Variants in SDK1 observed in about 807,000 individuals in gnomAD.
The protein encoded by SDK1 is sidekick cell adhesion molecule 1, also known as protein sidekick-1.
In SDK1, 157 loss-of-function variants were observed where a neutral mutation model predicts 245.5. The observed-to-expected ratio is 0.64, with a 90% CI of 0.56 to 0.73. The LOEUF is 0.73. Ranked by LOEUF, SDK1 falls within the 30% of genes least tolerant of loss-of-function variation. SDK1 has a pLI of 0.00. For synonymous variants in SDK1, 1,647 were observed against 1,278.5 expected, an observed-to-expected ratio of 1.29 and a Z score of -6.15; for missense variants, 3,583 against 3,002.3, an observed-to-expected ratio of 1.19 and a Z score of -4.52.
At chr7:4,126,036 C>T (rs577907913) in intron 25 of SDK1, among the ~76,000 whole-genome samples, 2 of 152,306 alleles carry the variant, frequency 1.3e-5, no homozygotes, top group Admixed American at 1.3e-4. Context: ...CCCAGAACCT[C>T]CGTTGCTTCA....
At chr7:3,793,016 T>G (rs1050952827) in intron 4 of SDK1, among the ~76,000 whole-genome samples, 3 of 152,172 alleles carry the variant, frequency 2.0e-5, no homozygotes, top group Non-Finnish European at 4.4e-5. Flanking sequence ...ACAATGATAC[T>G]GAGAATTGTG....
At chr7:3,812,814 G>C (rs1396850431) in intron 4 of SDK1, among the ~76,000 whole-genome samples, 1 of 152,186 alleles carries the variant, frequency 6.6e-6, no homozygotes, top group Admixed American at 6.5e-5. Flanking sequence ...GTTGTGCTGA[G>C]CTGCAATCCC....
At chr7:4,052,236 G>A (rs977872137) in intron 19 of SDK1, among the ~76,000 whole-genome samples, 3 of 76,550 alleles carry the variant, frequency 3.9e-5, no homozygotes, top group Admixed American at 2.0e-4. Flanking sequence ...TTTTCCCCAC[G>A]CCCTTCTAAG....
chr7:3,668,739 C>T (rs950228761), intron 4 of SDK1, among the ~76,000 whole-genome samples: 5 of 152,180 alleles, frequency 3.3e-5, no homozygotes, highest in African/African-American at 9.7e-5. Context: ...TGCAGTGAGC[C>T]AAGATGGCGC....
chr7:4,077,023 C>A lies in SDK1; in HGVS notation c.3036C>A (p.Tyr1012Ter). The A allele has an allele frequency of 6.2e-7, 1 of 1,614,028 alleles. No individual in the cohort carries two copies. The highest frequency in any genetic ancestry group is 8.5e-7 in the Non-Finnish European group (1 of 1,179,998). ...GCTATCAGATCTCTTGGGAAGTGTA[C>A]GGCAGGAACGACTCTCGTCTCACGC... ...ITGYQISWEV[Y>*]GRNDSRLTHT... The change falls in exon 21 of 45, where the codon TAC (tyrosine) becomes TAA (stop). Residue 1012 changes from tyrosine (Y) to a stop codon, truncating the protein, a stop_gained. Coordinates refer to ENST00000404826, the MANE Select transcript of SDK1 (RefSeq NM_152744.4). LOFTEE classifies it high-confidence loss of function.
intron 4 of SDK1, 88 bp from the exon 5 acceptor site, chr7:3,821,362 C>A: frequency 7.0e-7 from 1 of 1,438,678 alleles, no homozygotes; most frequent in Non-Finnish European, 9.4e-7. Context: ...TCTAGGCATT[C>A]CTTTATAGTT....
chr7:3,397,296 C>T (rs1778739623), intron 1 of SDK1, among the ~76,000 whole-genome samples: 1 of 151,840 alleles, frequency 6.6e-6, no homozygotes, highest in Non-Finnish European at 1.5e-5. Flanking sequence ...TTTATTGGTA[C>T]TTTCAAATTT....
chr7:3,516,120 T>G (rs1235455679), intron 1 of SDK1, among the ~76,000 whole-genome samples: 1 of 148,204 alleles, frequency 6.7e-6, no homozygotes, highest in South Asian at 2.1e-4. Flanking sequence ...GATATTTTCT[T>G]TTTTTTTTTT....
chr7:4,256,572 G>A (rs958303404), intron 44 of SDK1, among the ~76,000 whole-genome samples: 2 of 152,240 alleles, frequency 1.3e-5, no homozygotes, highest in African/African-American at 2.4e-5. Context: ...GGATTTCGAC[G>A]AGGGTTTAAG....
chr7:4,125,422 G>C (rs1420158967), intron 25 of SDK1, among the ~76,000 whole-genome samples: 1 of 151,874 alleles, frequency 6.6e-6, no homozygotes, highest in Non-Finnish European at 1.5e-5. Context: ...ATGATGGATG[G>C]ATGGATGAGT....
intron 1 of SDK1, among the ~76,000 whole-genome samples, chr7:3,602,115 G>C (rs530266668): frequency 1.3e-4 from 19 of 151,998 alleles, no homozygotes; most frequent in African/African-American, 4.6e-4. Flanking sequence ...CTTTGCTGTT[G>C]TGAATAGTGC....
Position 4,268,488 on chromosome 7 carries a change from C to T in SDK1, c.*3104C>T, listed in dbSNP as rs537151801. 24 of 1,175,518 alleles carry T rather than the reference C, an allele frequency of 2.0e-5. No homozygotes were observed. The highest frequency in any genetic ancestry group is 1.8e-4 in the East Asian group (3 of 16,418). 72.8% of individuals were successfully genotyped at this position (1,175,518 alleles called of 1,614,324 possible). On this transcript the variant is annotated 3_prime_UTR_variant, in exon 45 of 45. Transcript: ENST00000404826. ...TTCACTCAATGCTGTAGCCAAAAAA[C>T]GAGGGGCCCCAGGGAGAGGGGACCC... is the stretch of plus-strand genomic sequence containing the variant.
chr7:3,829,674 C>T (rs1310482227), intron 5 of SDK1, among the ~76,000 whole-genome samples: 1 of 152,118 alleles, frequency 6.6e-6, no homozygotes, highest in Non-Finnish European at 1.5e-5. Context: ...AAGGAGAAGG[C>T]AAAACTTGGG....
At chr7:4,085,694 A>G (rs1344827318) in intron 22 of SDK1, among the ~76,000 whole-genome samples, 5 of 152,104 alleles carry the variant, frequency 3.3e-5, no homozygotes, top group Admixed American at 3.3e-4. Context: ...AGCTGGGATT[A>G]CAGGTGCTCG....
At chr7:3,555,488 G>A (rs1779560109) in intron 1 of SDK1, among the ~76,000 whole-genome samples, 1 of 152,142 alleles carries the variant, frequency 6.6e-6, no homozygotes, top group African/African-American at 2.4e-5. Flanking sequence ...AAACATTGGG[G>A]AAACTCTCCA....
At chr7:4,183,137 G>A (rs536491602) in intron 35 of SDK1, among the ~76,000 whole-genome samples, 22 of 152,138 alleles carry the variant, frequency 1.4e-4, no homozygotes, top group East Asian at 3.9e-4. Flanking sequence ...ACCTCTGAGC[G>A]GGGCCACAGG....
intron 1 of SDK1, among the ~76,000 whole-genome samples, chr7:3,364,900 A>G (rs1421699900): frequency 3.3e-5 from 5 of 152,212 alleles, no homozygotes; most frequent in Non-Finnish European, 7.3e-5. Context: ...ATCTATGAAC[A>G]TGGTATGTCT....
At chr7:3,959,369 T>G (rs542033986) in intron 8 of SDK1, among the ~76,000 whole-genome samples, 25 of 152,218 alleles carry the variant, frequency 1.6e-4, no homozygotes, top group Admixed American at 1.6e-3. Context: ...GAAAATTCTT[T>G]CTCATCCATG....
rs558735924 is a variant in SDK1, at chr7:3,428,670, C to G, written c.298+126786C>G. Among the ~76,000 whole-genome samples the G allele has an allele frequency of 3.3e-5, 5 of 152,198 alleles. No homozygotes were observed. In the East Asian group the frequency reaches 9.7e-4, roughly 29 times the overall value. ...AGCTTGGGCTAACCATGTAAGACTG[C>G]CAAGATTTGCATAAAAATCCAATTA... On this transcript the variant is annotated intron_variant, in intron 1 of 44. Coordinates refer to ENST00000404826, the MANE Select transcript of SDK1 (RefSeq NM_152744.4).
Sources: allele counts gnomAD v4.1 joint callset (sites outside exome capture counted in the v4.1 genomes callset), GRCh38; gene constraint gnomAD v4.1.1; transcripts MANE v1.5; gene names NCBI Gene and HGNC (gene_info 2026-07-23, HGNC 2026-07-21).